The following PKM variants were observed in gnomAD, a reference collection of about 807,000 sequenced individuals.
PKM encodes pyruvate kinase M1/2, also known as pyruvate kinase PKM.
PKM carries 18 observed loss-of-function variants against 49.8 expected under a neutral mutation model. That is an observed-to-expected ratio of 0.36 (90% confidence interval 0.25 to 0.54). The LOEUF is 0.54. Among genes scored for constraint, PKM ranks in the 20% least tolerant of loss-of-function variants. The pLI is 0.89. For synonymous variants in PKM, 239 were observed against 261.8 expected, an observed-to-expected ratio of 0.91 and a Z score of 0.84; for missense variants, 508 against 713.8, an observed-to-expected ratio of 0.71 and a Z score of 3.28.
chr15:72,220,593 C>T (rs1194477194), intron 1 of PKM, among the ~76,000 whole-genome samples: 1 of 152,212 alleles, frequency 6.6e-6, no homozygotes, highest in Non-Finnish European at 1.5e-5. Context: ...GGCAAATGCA[C>T]TCTTCATTTC....
Position 72,209,726 on chromosome 15 carries a change from C to A in PKM, c.512G>T (p.Gly171Val). ...CCCATCATCCACGTAGATCTTGCTG[C>A]CCACTTCCACCACCTTGCAGATGTT... ...YKNICKVVEV[G>V]SKIYVDDGLI... The change falls in exon 5 of 11, where the codon GGC (glycine) becomes GTC (valine). Residue 171 changes from glycine to valine, a missense_variant. Physicochemically the swap from Gly to Val is moderately radical, Grantham distance 109. Coordinates refer to ENST00000335181, the MANE Select transcript of PKM (RefSeq NM_002654.6). 4 of 1,614,020 alleles carry A rather than the reference C, an allele frequency of 2.5e-6. No individual in the cohort carries two copies. The highest frequency in any genetic ancestry group is 3.4e-6 in the Non-Finnish European group (4 of 1,180,004).
intron 1 of PKM, among the ~76,000 whole-genome samples, chr15:72,220,431 A>G (rs980236699): frequency 6.6e-6 from 1 of 152,148 alleles, no homozygotes; most frequent in Non-Finnish European, 1.5e-5. Flanking sequence ...CATCTCTGCC[A>G]TCTCCAAAGA....
intron 1 of PKM, among the ~76,000 whole-genome samples, chr15:72,223,931 A>C (rs546418171): frequency 6.9e-6 from 1 of 145,904 alleles, no homozygotes; most frequent in East Asian, 2.2e-4. Flanking sequence ...AAAAAAAAAA[A>C]AAATCTTGGC....
At chr15:72,223,944 T>C (rs2082594459) in intron 1 of PKM, among the ~76,000 whole-genome samples, 1 of 151,894 alleles carries the variant, frequency 6.6e-6, no homozygotes, top group Admixed American at 6.6e-5. Flanking sequence ...ATCTTGGCTC[T>C]TTTATTTCTT....
At chr15:72,212,484 G>GAAA (rs56161510) in intron 3 of PKM, among the ~76,000 whole-genome samples, 1 of 133,054 alleles carries the variant, frequency 7.5e-6, no homozygotes, top group Non-Finnish European at 1.6e-5. Context: ...GTCTCTAAAA[G>GAAA]AAAAAAAAAA....
At chr15:72,218,341 G>A (rs1166801377) in intron 2 of PKM, among the ~76,000 whole-genome samples, 1 of 152,002 alleles carries the variant, frequency 6.6e-6, no homozygotes, top group African/African-American at 2.4e-5. Flanking sequence ...TGGCCAGGCT[G>A]GTCTCGAACT....
intron 7 of PKM, 29 bp downstream of exon 7, chr15:72,207,096 CAT>C (rs1424792359): frequency 2.5e-6 from 4 of 1,612,246 alleles, no homozygotes; most frequent in Admixed American, 1.7e-5. Context: ...CGAGTGTGCA[CAT>C]GAGAATGTGG....
intron 1 of PKM, chr15:72,230,871 TG>T: frequency 2.5e-6 from 3 of 1,180,452 alleles, no homozygotes; most frequent in Admixed American, 2.4e-5. Context: ...GGGGTAGGGC[TG>T]GGGCGGGAAA....
chr15:72,229,654 C>T, intron 1 of PKM: 2 of 1,250,576 alleles, frequency 1.6e-6, no homozygotes, highest in South Asian at 1.3e-5. Flanking sequence ...TGTCCCCCTC[C>T]CTCCCACAGC....
In PKM at chr15:72,208,629, C is replaced by T. The variant is rs757726621; in HGVS notation, c.828G>A (p.Gly276=). The T allele has an allele frequency of 2.8e-5, 45 of 1,613,924 alleles. No individual in the cohort carries two copies. Among genetic ancestry groups the T allele is most frequent in the Middle Eastern group, 1.6e-4 (1 of 6,084 alleles). The part of the protein sequence containing the change: ...KIISKIENHE[G]VRRFDEILEA... ...GGACAACGGGGACTTGCCTCCGAAC[C>T]CCCTCATGATTCTCGATTTTGCTGA... is the stretch of plus-strand genomic sequence containing the variant. The change falls in exon 6 of 11, where the codon GGG becomes GGA. Residue 276 remains glycine (G), a synonymous_variant. Transcript: ENST00000335181.
At chr15:72,228,441 G>A (rs141928132) in intron 1 of PKM, 1 of 246,184 alleles carries the variant, frequency 4.1e-6, no homozygotes, top group South Asian at 3.2e-5. Flanking sequence ...GCAGTGGCGC[G>A]ATCTCGGCTC....
Position 72,202,284 on chromosome 15 carries a change from C to T in PKM, c.1307+170G>A. The T allele has an allele frequency of 1.5e-6, 1 of 681,480 alleles. No individual in the cohort carries two copies. The highest frequency in any genetic ancestry group is 2.6e-6 in the Non-Finnish European group (1 of 387,852). 42.2% of individuals were successfully genotyped at this position (681,480 alleles called of 1,614,324 possible). On this transcript the variant is annotated intron_variant, in intron 9 of 10. Coordinates refer to ENST00000335181, the MANE Select transcript of PKM (RefSeq NM_002654.6). The surrounding 1 kb of genome is among the most constrained non-coding windows in gnomAD (Gnocchi z 4.5). ...TGAGTGCTACCTAGAGTCCTTTGGG[C>T]CCAGGGAAGGGGCTCTGCTCAATCC...
At chr15:72,216,468 T>C (rs935180928) in intron 3 of PKM, among the ~76,000 whole-genome samples, 8 of 151,948 alleles carry the variant, frequency 5.3e-5, no homozygotes, top group Admixed American at 3.3e-4. Flanking sequence ...CAAAAAAATT[T>C]TTAAATTAGC....
intron 3 of PKM, among the ~76,000 whole-genome samples, chr15:72,213,278 T>A (rs2082299771): frequency 6.6e-6 from 1 of 152,220 alleles, no homozygotes; most frequent in Non-Finnish European, 1.5e-5. Context: ...CTGGTTTTGG[T>A]ACTGTCCTTG....
At position 72,200,786 on chromosome 15, in the gene PKM, T is replaced by A; in HGVS notation, c.1308-131A>T. The A allele has an allele frequency of 2.7e-6, 2 of 748,150 alleles. No homozygotes were observed. Among genetic ancestry groups the A allele is most frequent in the Non-Finnish European group, 4.3e-6 (2 of 462,424 alleles). The allele number at this position is 748,150 out of a possible 1,614,324, so 46.3% of individuals were successfully genotyped here. On this transcript the variant is annotated intron_variant, in intron 9 of 10. Transcript: ENST00000335181. The surrounding 1 kb of genome is among the most constrained non-coding windows in gnomAD (Gnocchi z 4.6). Reference sequence around the variant, plus strand: ...TCTGGCCTCTTCAACATCTGCTCCCTAGGACCCCTCCCGAGGCTCGGGCAG... The same window carrying A: ...TCTGGCCTCTTCAACATCTGCTCCCAAGGACCCCTCCCGAGGCTCGGGCAG...
chr15:72,202,722 T>C lies in PKM; in HGVS notation c.1141-102A>G, dbSNP rs2081975748. The C allele has an allele frequency of 9.7e-7, 1 of 1,032,142 alleles. No homozygotes were observed. The highest frequency in any genetic ancestry group is 1.5e-6 in the Non-Finnish European group (1 of 683,334). 63.9% of individuals were successfully genotyped at this position (1,032,142 alleles called of 1,614,324 possible). ...AGGGGAAGAGTCACCGGACAGCTGGTGAGGAACATGTTCCTGGGAACAAAG... is the reference window on the plus strand; with the variant it reads ...AGGGGAAGAGTCACCGGACAGCTGGCGAGGAACATGTTCCTGGGAACAAAG... On this transcript the variant is annotated intron_variant, in intron 8 of 10. Transcript: ENST00000335181. This position sits in a 1 kb window ranked among gnomAD's most constrained non-coding sequence, Gnocchi z 4.5.
At chr15:72,206,907 A>T in intron 7 of PKM, 27 bp from the exon 8 acceptor site, 1 of 1,613,412 alleles carries the variant, frequency 6.2e-7, no homozygotes, top group Non-Finnish European at 8.5e-7. Flanking sequence ...CATTAGTGAG[A>T]TGTAGCTTGA....
Position 72,200,692 on chromosome 15 carries a change from A to G in PKM, c.1308-37T>C. 2 of 1,575,694 alleles carry G rather than the reference A, an allele frequency of 1.3e-6. No homozygotes were observed. Among genetic ancestry groups the G allele is most frequent in the Non-Finnish European group, 1.7e-6 (2 of 1,150,520 alleles). Reference sequence around the variant, plus strand: ...TGGGGGACATACAGAAGAGACCATTACACGAGGCCCCAGGAAGTACCCTCA... The same window carrying G: ...TGGGGGACATACAGAAGAGACCATTGCACGAGGCCCCAGGAAGTACCCTCA... On this transcript the variant is annotated intron_variant, in intron 9 of 10. Transcript: ENST00000335181. The surrounding 1 kb of genome is among the most constrained non-coding windows in gnomAD (Gnocchi z 4.6).
In PKM at chr15:72,202,874, G is replaced by T; in HGVS notation, c.1141-254C>A. The T allele has an allele frequency of 1.2e-6, 1 of 868,228 alleles. No individual in the cohort carries two copies. The highest frequency in any genetic ancestry group is 1.9e-6 in the Non-Finnish European group (1 of 528,674). 53.8% of individuals were successfully genotyped at this position (868,228 alleles called of 1,614,324 possible). ...CTGAGCCACAGGACCCTTTGGTCCT[G>T]CCCTGCCATGACCTCCCTGGCGGTG... On this transcript the variant is annotated intron_variant, in intron 8 of 10. Coordinates refer to ENST00000335181, the MANE Select transcript of PKM (RefSeq NM_002654.6). This position sits in a 1 kb window ranked among gnomAD's most constrained non-coding sequence, Gnocchi z 4.5.
Sources: gnomAD v4.1 joint callset for allele counts (sites outside exome capture counted in the v4.1 genomes callset) on GRCh38, gnomAD v4.1.1 for gene constraint, Gnocchi (gnomAD v3.1) non-coding constraint, MANE v1.5 for transcripts, NCBI Gene and HGNC (gene_info 2026-07-23, HGNC 2026-07-21) for gene names.